PDPN: variants seen among roughly 807,000 people sequenced by gnomAD.
PDPN encodes PA2.26 antigen.
A neutral mutation model predicts 23.2 loss-of-function variants in PDPN; 12 were observed. That is an observed-to-expected ratio of 0.52 (90% CI 0.33 to 0.84). The LOEUF (loss-of-function observed/expected upper bound fraction) is 0.84. Ranked by LOEUF, PDPN falls within the 40% of genes least tolerant of loss-of-function variation. The pLI is 0.02. For synonymous variants in PDPN, 77 were observed against 76.7 expected (o/e 1.00, Z -0.02); for missense variants, 199 against 212.2 (o/e 0.94, Z 0.39).
At chr1:13,598,231 G>C (rs986169036) in intron 1 of PDPN, among the ~76,000 whole-genome samples, 1 of 151,912 alleles carries the variant, frequency 6.6e-6, no homozygotes, top group Admixed American at 6.6e-5. Flanking sequence ...TGGCCAGACT[G>C]GTCGCTAACC....
chr1:13,590,536 C>T (rs574140381), intron 1 of PDPN, among the ~76,000 whole-genome samples: 25 of 152,218 alleles, frequency 1.6e-4, no homozygotes, highest in African/African-American at 6.0e-4. Flanking sequence ...TTGGTTGGAG[C>T]AGGTGGCAGG....
At chr1:13,588,464 C>G (rs1640239683) in intron 1 of PDPN, among the ~76,000 whole-genome samples, 1 of 151,188 alleles carries the variant, frequency 6.6e-6, no homozygotes. Context: ...TTGTCCTGCC[C>G]CAAAGAGAAG....
chr1:13,617,399 T>TA lies in PDPN; in HGVS notation c.*1488_*1489insA, dbSNP rs369333830. The stretch of plus-strand genomic sequence containing the variant: ...GGCCCCACCAGCTCAGATTCCATTT[T>TA]TTTTGTGTGTGTGTGTGAAACGTAG... On this transcript the variant is annotated 3_prime_UTR_variant, in exon 6 of 6. Coordinates refer to ENST00000621990, the MANE Select transcript of PDPN (RefSeq NM_006474.5). 7.0e-6 allele frequency: 1 copy of TA among 142,840 alleles called. No homozygotes were observed. Among genetic ancestry groups the TA allele is most frequent in the African/African-American group, 3.1e-5 (1 of 32,574 alleles). The allele number at this position is 142,840 out of a possible 1,614,324, so 8.8% of individuals were successfully genotyped here.
chr1:13,583,834 C>T lies in PDPN; in HGVS notation c.-200C>T, dbSNP rs1157930911. On this transcript the variant is annotated 5_prime_UTR_variant, in exon 1 of 6. Transcript: ENST00000621990. Reference sequence around the variant, plus strand: ...CTGACTCCGCTCGGAAAGTTCTCAACTGCAAAGTTTGCTGTCCGGCTGCCT... The same window carrying T: ...CTGACTCCGCTCGGAAAGTTCTCAATTGCAAAGTTTGCTGTCCGGCTGCCT... The T allele has an allele frequency of 6.4e-7, 1 of 1,571,034 alleles. No homozygotes were observed. The highest frequency in any genetic ancestry group is 1.2e-5 in the South Asian group (1 of 84,670).
chr1:13,585,047 T>A (rs1640140728), intron 1 of PDPN, among the ~76,000 whole-genome samples: 1 of 152,204 alleles, frequency 6.6e-6, no homozygotes, highest in Non-Finnish European at 1.5e-5. Context: ...CAGCCATGAT[T>A]CCCCACGGCC....
chr1:13,603,068 A>G (rs997410693), intron 1 of PDPN, among the ~76,000 whole-genome samples: 2 of 150,892 alleles, frequency 1.3e-5, no homozygotes, highest in African/African-American at 4.9e-5. Context: ...TATAAATACA[A>G]AGGAGAGAGA....
At chr1:13,592,543 A>ATTTTTTTTTTTTTTTTTTTTTTTTTTTTT (rs34176163) in intron 1 of PDPN, among the ~76,000 whole-genome samples, 1 of 105,080 alleles carries the variant, frequency 9.5e-6, no homozygotes, top group Non-Finnish European at 1.9e-5. Flanking sequence ...TGAAAAGATG[A>ATTTTTTTTTTTTTTTTTTTTTTTTTTTTT]TTTTTTTTTT....
intron 1 of PDPN, among the ~76,000 whole-genome samples, chr1:13,598,421 C>T (rs1279652242): frequency 6.6e-6 from 1 of 152,104 alleles, no homozygotes; most frequent in Non-Finnish European, 1.5e-5. Context: ...GTATAAGCAC[C>T]AACCCCTCTC....
At chr1:13,615,198 G>A (rs1641037772) in intron 5 of PDPN, among the ~76,000 whole-genome samples, 1 of 152,140 alleles carries the variant, frequency 6.6e-6, no homozygotes, top group Non-Finnish European at 1.5e-5. Flanking sequence ...TGTTGTTGAA[G>A]GGAAGGAGTT....
intron 1 of PDPN, among the ~76,000 whole-genome samples, chr1:13,600,528 C>G (rs2100244526): frequency 6.6e-6 from 1 of 152,192 alleles, no homozygotes. Flanking sequence ...CCATGGCCAG[C>G]TAATTTTTGT....
chr1:13,586,501 A>G (rs1640182416), intron 1 of PDPN, among the ~76,000 whole-genome samples: 1 of 152,232 alleles, frequency 6.6e-6, no homozygotes, highest in Admixed American at 6.5e-5. Flanking sequence ...CTTCTGTAAA[A>G]TGAGCAGCAC....
At chr1:13,613,126 G>C (rs2100285272) in intron 3 of PDPN, among the ~76,000 whole-genome samples, 1 of 152,252 alleles carries the variant, frequency 6.6e-6, no homozygotes, top group African/African-American at 2.4e-5. Context: ...CAAACACAAA[G>C]GGTATATTTG....
At chr1:13,605,633 T>C (rs886594496) in intron 1 of PDPN, among the ~76,000 whole-genome samples, 20 of 152,292 alleles carry the variant, frequency 1.3e-4, no homozygotes, top group Admixed American at 1.3e-3. Context: ...GAAACCTTTT[T>C]TTTTCTTTGA....
chr1:13,594,655 A>G (rs1338975603), intron 1 of PDPN, among the ~76,000 whole-genome samples: 1 of 152,176 alleles, frequency 6.6e-6, no homozygotes, highest in Non-Finnish European at 1.5e-5. Flanking sequence ...TGTCAGCTAA[A>G]AAATGAGGAT....
chr1:13,614,169 C>T (rs947811872), intron 4 of PDPN, 131 bp from the exon 5 acceptor site: 5 of 600,132 alleles, frequency 8.3e-6, no homozygotes, highest in Non-Finnish European at 1.5e-5. Flanking sequence ...AAGAAATGCT[C>T]CATGCTCAAA....
Position 13,583,958 on chromosome 1 carries a change from G to A in PDPN, c.-76G>A, listed in dbSNP as rs368134560. On this transcript the variant is annotated 5_prime_UTR_variant, in exon 1 of 6. Coordinates refer to ENST00000621990, the MANE Select transcript of PDPN (RefSeq NM_006474.5). ...GCTCCTCCAGGCTGGGCCTGTGGCC[G>A]CGGTGCTTTTTAATTTTCCCCCAGC... is the stretch of plus-strand genomic sequence containing the variant. 7.4e-6 allele frequency: 12 copies of A among 1,613,620 alleles called. No individual in the cohort carries two copies. The highest frequency in any genetic ancestry group is 1.3e-5 in the African/African-American group (1 of 74,944).
At chr1:13,603,855 G>A (rs576083160) in intron 1 of PDPN, among the ~76,000 whole-genome samples, 1 of 152,266 alleles carries the variant, frequency 6.6e-6, no homozygotes, top group South Asian at 2.1e-4. Context: ...CCAAAGTGCT[G>A]GGATTATAGG....
rs1211445267 is a variant in PDPN at position 13,610,481 on chromosome 1, C to T, written c.296C>T (p.Ala99Val). 1.2e-6 allele frequency: 2 copies of T among 1,613,990 alleles called. No individual in the cohort carries two copies. Among genetic ancestry groups the T allele is most frequent in the East Asian group, 2.2e-5 (1 of 44,880 alleles). The change falls in exon 3 of 6, where the codon GCC (alanine) becomes GTC (valine). Residue 99 changes from alanine (A) to valine (V), a missense_variant. Transcript: ENST00000621990. ...CACGCGCAAGAACAAAGTCCAAGCG[C>T]CACAGCCTCAAACGTGGCCACCAGT... Reference protein sequence around the residue: ...TVHAQEQSPSATASNVATSHS... With the variant: ...TVHAQEQSPSVTASNVATSHS...
rs1324773225 is a variant in PDPN at position 13,616,110 on chromosome 1, G to A, written c.*199G>A. 3.2e-5 allele frequency: 19 copies of A among 601,598 alleles called. No homozygotes were observed. The highest frequency in any genetic ancestry group is 5.7e-5 in the Non-Finnish European group (19 of 333,126). The allele number at this position is 601,598 out of a possible 1,614,324, so 37.3% of individuals were successfully genotyped here. ...CCAGACTTGGCTCCTCTAAACATTT[G>A]CTGTTCAAACATGTTTTTGAATATA... On this transcript the variant is annotated 3_prime_UTR_variant, in exon 6 of 6. Transcript: ENST00000621990.
Sources: gnomAD v4.1 joint callset for allele counts (sites outside exome capture counted in the v4.1 genomes callset) on GRCh38, gnomAD v4.1.1 for gene constraint, MANE v1.5 for transcripts, NCBI Gene and HGNC (gene_info 2026-07-23, HGNC 2026-07-21) for gene names.